VAV3: variants seen among roughly 807,000 people sequenced by gnomAD.
VAV3 encodes the protein vav guanine nucleotide exchange factor 3, also known as guanine nucleotide exchange factor VAV3.
In VAV3, 94 loss-of-function variants were observed where a neutral mutation model predicts 131.2. The ratio of observed to expected loss-of-function variants is 0.72; its 90% CI spans 0.61 to 0.85. The LOEUF is 0.85. VAV3 is among the 40% of genes least tolerant of loss of function. VAV3 has a pLI of 0.00. For missense variants in VAV3, 939 were observed against 1,002.7 expected (o/e 0.94, Z 0.86); for synonymous variants, 349 against 342.0 (o/e 1.02, Z -0.22).
At chr1:107,891,973 C>T (rs148786118) in intron 1 of VAV3, among the ~76,000 whole-genome samples, 4 of 150,924 alleles carry the variant, frequency 2.7e-5, no homozygotes, top group Non-Finnish European at 4.4e-5. Context: ...GTAGATGATT[C>T]TATCTTCCTT....
chr1:107,954,964 G>C (rs1331708482), intron 1 of VAV3, among the ~76,000 whole-genome samples: 1 of 152,192 alleles, frequency 6.6e-6, no homozygotes, highest in Non-Finnish European at 1.5e-5. Flanking sequence ...AACAGTGCCT[G>C]CCTCACGGTG....
intron 15 of VAV3, among the ~76,000 whole-genome samples, chr1:107,742,355 C>A (rs1663073624): frequency 6.6e-6 from 1 of 152,128 alleles, no homozygotes; most frequent in South Asian, 2.1e-4. Context: ...GGACAAGATC[C>A]CTGCCCTCAT....
At chr1:107,929,841 A>G (rs1482741695) in intron 1 of VAV3, among the ~76,000 whole-genome samples, 6 of 152,224 alleles carry the variant, frequency 3.9e-5, no homozygotes, top group Non-Finnish European at 8.8e-5. Context: ...TACACAACAG[A>G]GTACTACTCA....
intron 17 of VAV3, among the ~76,000 whole-genome samples, chr1:107,700,341 G>A (rs753253578): frequency 1.3e-5 from 2 of 152,156 alleles, no homozygotes; most frequent in African/African-American, 2.4e-5. Flanking sequence ...TGCAGGATGT[G>A]CAGGTTTGTT....
rs182204018 is a variant in VAV3, at chr1:107,782,428, C to T, written c.322-2936G>A. On this transcript the variant is annotated intron_variant, in intron 2 of 26. Coordinates refer to ENST00000370056, the MANE Select transcript of VAV3 (RefSeq NM_006113.5). ...CAGATGATAGTCTATTAGTTTAGTC[C>T]TGAATTGAATGTGTTTTATAAGGAC... is the stretch of plus-strand genomic sequence containing the variant. Among the ~76,000 whole-genome samples the T allele has an allele frequency of 1.5e-3, 221 of 152,270 alleles. 1 individual carries two copies. Among genetic ancestry groups the T allele is most frequent in the Non-Finnish European group, 2.7e-3 (183 of 68,028 alleles).
At chr1:107,935,268 T>C (rs1373894707) in intron 1 of VAV3, among the ~76,000 whole-genome samples, 2 of 152,224 alleles carry the variant, frequency 1.3e-5, no homozygotes, top group Non-Finnish European at 2.9e-5. Flanking sequence ...TTTGATTTCA[T>C]TCAAGTGAAT....
At chr1:107,641,521 A>G (rs531584208) in intron 20 of VAV3, among the ~76,000 whole-genome samples, 1 of 152,280 alleles carries the variant, frequency 6.6e-6, no homozygotes, top group East Asian at 1.9e-4. Context: ...ACATAATACC[A>G]TATTTACCTA....
At chr1:107,848,447 T>C (rs1020287443) in intron 2 of VAV3, among the ~76,000 whole-genome samples, 3 of 151,810 alleles carry the variant, frequency 2.0e-5, no homozygotes, top group African/African-American at 7.3e-5. Context: ...ACATAATCCA[T>C]CACATAAACA....
At chr1:107,834,695 G>C (rs1479012774) in intron 2 of VAV3, among the ~76,000 whole-genome samples, 3 of 151,518 alleles carry the variant, frequency 2.0e-5, no homozygotes, top group Non-Finnish European at 4.4e-5. Context: ...AACATACTTT[G>C]AACAGATCTT....
intron 19 of VAV3, among the ~76,000 whole-genome samples, chr1:107,645,104 C>T (rs1332200408): frequency 1.3e-5 from 2 of 151,926 alleles, no homozygotes; most frequent in African/African-American, 4.8e-5. Context: ...TTAAGAAGTT[C>T]ACCTAGTAGC....
intron 2 of VAV3, among the ~76,000 whole-genome samples, chr1:107,829,099 G>T (rs1047421138): frequency 2.6e-5 from 4 of 152,136 alleles, no homozygotes; most frequent in Non-Finnish European, 5.9e-5. Flanking sequence ...TGGTCCATTT[G>T]CCATGATGAG....
intron 15 of VAV3, among the ~76,000 whole-genome samples, chr1:107,727,369 C>A (rs1661911399): frequency 6.6e-6 from 1 of 152,210 alleles, no homozygotes; most frequent in African/African-American, 2.4e-5. Flanking sequence ...ATCTTGGAAT[C>A]TTGAAGCCTT....
chr1:107,681,803 G>A (rs756157231), intron 19 of VAV3, among the ~76,000 whole-genome samples: 27 of 151,880 alleles, frequency 1.8e-4, no homozygotes, highest in Non-Finnish European at 2.5e-4. Context: ...ACAGGCACCC[G>A]CCACCACCCC....
intron 2 of VAV3, among the ~76,000 whole-genome samples, chr1:107,868,303 T>C (rs1286147099): frequency 6.6e-6 from 1 of 152,176 alleles, no homozygotes; most frequent in Non-Finnish European, 1.5e-5. Context: ...TGTTTACATA[T>C]GTATATATGA....
At position 107,671,667 on chromosome 1, in the gene VAV3, A is replaced by T. The variant is rs1256070502; in HGVS notation, c.1777+11821T>A. 5.3e-5 allele frequency among the ~76,000 whole-genome samples: 8 copies of T among 152,330 alleles called. No individual in the cohort carries two copies. In the East Asian group the frequency reaches 1.5e-3, roughly 29 times the overall value. On this transcript the variant is annotated intron_variant, in intron 19 of 26. Transcript: ENST00000370056. ...GAGACACATATGTACAAAAGGAAATAAGAACAACGGGAGGAGCTACTCTGA... is the reference window on the plus strand; with the variant it reads ...GAGACACATATGTACAAAAGGAAATTAGAACAACGGGAGGAGCTACTCTGA...
At chr1:107,672,516 A>T (rs561564746) in intron 19 of VAV3, among the ~76,000 whole-genome samples, 4 of 151,988 alleles carry the variant, frequency 2.6e-5, no homozygotes, top group Non-Finnish European at 5.9e-5. Flanking sequence ...TAAGCATAAA[A>T]GCAGTAAAAC....
chr1:107,849,255 A>G (rs1338474665), intron 2 of VAV3, among the ~76,000 whole-genome samples: 2 of 151,396 alleles, frequency 1.3e-5, no homozygotes, highest in African/African-American at 4.8e-5. Context: ...AAAAAAAAAA[A>G]AGTCTGCATA....
In VAV3 at chr1:107,843,537, G is replaced by GTGTGTA. The variant is rs560794972; in HGVS notation, c.321+31363_321+31364insTACACA. Among the ~76,000 whole-genome samples, 668 of 147,550 alleles carry GTGTGTA rather than the reference G, an allele frequency of 4.5e-3. 7 individuals are homozygous for GTGTGTA. Among genetic ancestry groups the GTGTGTA allele is most frequent in the African/African-American group, 0.015 (601 of 40,334 alleles). On this transcript the variant is annotated intron_variant, in intron 2 of 26. Transcript: ENST00000370056. ...AATGTATGTGTGCGTGTGTGTGTGT[G>GTGTGTA]TATATATATATATTTATATATATAT...
chr1:107,844,467 C>T (rs910757294), intron 2 of VAV3, among the ~76,000 whole-genome samples: 9 of 152,072 alleles, frequency 5.9e-5, no homozygotes, highest in South Asian at 2.1e-4. Context: ...ACCAGCGAGA[C>T]GGAAACATTC....
Sources: allele counts gnomAD v4.1 joint callset (sites outside exome capture counted in the v4.1 genomes callset), GRCh38; gene constraint gnomAD v4.1.1; transcripts MANE v1.5; gene names NCBI Gene and HGNC (gene_info 2026-07-23, HGNC 2026-07-21).